The following DENND4A variants were observed in gnomAD, a reference collection of about 807,000 sequenced individuals.
DENND4A encodes DENN domain containing 4A, also known as C-myc promoter-binding protein.
In DENND4A, 70 loss-of-function variants were observed where a neutral mutation model predicts 199.3. The observed-to-expected ratio is 0.35, with a 90% CI of 0.29 to 0.43. DENND4A has a LOEUF of 0.43. Ranked by LOEUF, DENND4A falls within the 20% of genes least tolerant of loss-of-function variation. The pLI is 1.00. For missense variants in DENND4A, 1,723 were observed against 2,255.8 expected (o/e 0.76, Z 4.78); for synonymous variants, 686 against 766.9 (o/e 0.89, Z 1.74).
Position 65,701,109 on chromosome 15 carries a change from T to C in DENND4A, c.2643A>G (p.Val881=). The change falls in exon 19 of 33, where the codon GTA becomes GTG. Residue 881 remains valine, a synonymous_variant. Transcript: ENST00000443035. ...WTKVRNVVLG[V]TQFKRALKKH... ...TCTTTAAAGCTCTTTTGAACTGTGT[T>C]ACTCCTAAAACAACATTTCTTACTT... is the stretch of plus-strand genomic sequence containing the variant. 1 of 1,611,098 alleles carries C rather than the reference T, an allele frequency of 6.2e-7. No homozygotes were observed. Among genetic ancestry groups the C allele is most frequent in the Non-Finnish European group, 8.5e-7 (1 of 1,178,800 alleles).
In DENND4A at chr15:65,702,439, G is replaced by A. The variant is rs61754790; in HGVS notation, c.2296C>T (p.Arg766Cys). The A allele has an allele frequency of 1.9e-5, 30 of 1,594,614 alleles. No homozygotes were observed. The highest frequency in any genetic ancestry group is 9.0e-5 in the East Asian group (4 of 44,210). Residue 766 changes from arginine (R) to cysteine (C), a missense_variant, in exon 17 of 33, where the codon CGC becomes TGC. Transcript: ENST00000443035. The part of the protein sequence containing the change: ...IPQMWSRCLL[R>C]HCYGLWFICL... ...ATAAACCACAGTCCATAACAGTGGC[G>A]CAGTAGACACCTAGACCACATCTGA... is the stretch of plus-strand genomic sequence containing the variant.
rs975232881 is a variant in DENND4A at position 65,741,855 on chromosome 15, G to A, written c.562-71C>T. 9.6e-6 allele frequency: 12 copies of A among 1,247,608 alleles called. No individual in the cohort carries two copies. The African/African-American group carries it at 1.5e-4, about 15-fold the overall frequency. 77.3% of individuals were successfully genotyped at this position (1,247,608 alleles called of 1,614,324 possible). On this transcript the variant is annotated intron_variant, in intron 4 of 32. Transcript: ENST00000443035. ...GAACTTGATAAAATGGAATCTCTTTGAGCTCTCTAGTATGTATTATCTAAT... is the reference window on the plus strand; with the variant it reads ...GAACTTGATAAAATGGAATCTCTTTAAGCTCTCTAGTATGTATTATCTAAT...
intron 5 of DENND4A, among the ~76,000 whole-genome samples, chr15:65,741,169 C>G (rs1851917989): frequency 1.3e-5 from 2 of 152,114 alleles, no homozygotes; most frequent in Admixed American, 1.3e-4. Flanking sequence ...CCTCCTGCCT[C>G]AGCCTCCGAA....
Position 65,701,074 on chromosome 15 carries a change from T to A in DENND4A, c.2678A>T (p.His893Leu), listed in dbSNP as rs775775835. 7.5e-6 allele frequency: 12 copies of A among 1,607,958 alleles called. No individual in the cohort carries two copies. The highest frequency in any genetic ancestry group is 9.3e-6 in the Non-Finnish European group (11 of 1,178,332). ...ACCTGAGAGAGTTGTTTGTGATAAGTGTGCATGCTTCTTTAAAGCTCTTTT... is the reference window on the plus strand; with the variant it reads ...ACCTGAGAGAGTTGTTTGTGATAAGAGTGCATGCTTCTTTAAAGCTCTTTT... ...QFKRALKKHAHLSQTTLSADG... is the reference protein window; with the variant it reads ...QFKRALKKHALLSQTTLSADG... Residue 893 changes from histidine to leucine, a missense_variant, in exon 19 of 33, where the codon CAC becomes CTC. Physicochemically the swap from His to Leu is moderately conservative, Grantham distance 99. Coordinates refer to ENST00000443035, the MANE Select transcript of DENND4A (RefSeq NM_001320835.1).
At chr15:65,754,876 C>A (rs1393002634) in intron 3 of DENND4A, among the ~76,000 whole-genome samples, 1 of 152,148 alleles carries the variant, frequency 6.6e-6, no homozygotes, top group East Asian at 1.9e-4. Flanking sequence ...CATGGAATTA[C>A]CATTACGATC....
At chr15:65,693,688 TGAAG>T (rs1298579835) in intron 22 of DENND4A, among the ~76,000 whole-genome samples, 1 of 151,842 alleles carries the variant, frequency 6.6e-6, no homozygotes, top group East Asian at 1.9e-4. Flanking sequence ...AATGATATGC[TGAAG>T]GAAGTCTTCC....
At position 65,756,467 on chromosome 15, in the gene DENND4A, T is replaced by A; in HGVS notation, c.-17A>T. The A allele has an allele frequency of 1.9e-6, 3 of 1,579,544 alleles. No homozygotes were observed. The highest frequency in any genetic ancestry group is 2.6e-6 in the Non-Finnish European group (3 of 1,166,476). On this transcript the variant is annotated 5_prime_UTR_variant, in exon 3 of 33. The change abolishes the stop of an existing upstream ORF in the 5' untranslated region. Transcript: ENST00000443035. ...TTCAATCATCTTCCATTACAGAAGG[T>A]TACATCTAAAAGGAAAGTAAAAGAC...
At chr15:65,673,012 C>T (rs1290891085) in intron 24 of DENND4A, among the ~76,000 whole-genome samples, 2 of 152,078 alleles carry the variant, frequency 1.3e-5, no homozygotes, top group African/African-American at 4.8e-5. Context: ...ATGCGCATGC[C>T]ACCACACCCA....
In DENND4A at chr15:65,741,732, G is replaced by C; in HGVS notation, c.614C>G (p.Thr205Ser). The C allele has an allele frequency of 1.2e-6, 2 of 1,612,788 alleles. No individual in the cohort carries two copies. Among genetic ancestry groups the C allele is most frequent in the East Asian group, 4.5e-5 (2 of 44,774 alleles). Residue 205 changes from threonine to serine, a missense_variant, in exon 5 of 33, where the codon ACT (threonine) becomes AGT (serine). This residue lies in a region of DENND4A where 725 missense variants were observed against 952.9 expected (regional missense o/e 0.76). Coordinates refer to ENST00000443035, the MANE Select transcript of DENND4A (RefSeq NM_001320835.1). ...CYKKSVAKTN[T>S]VSYKAGLICR... ...ACACTTACCAGCTTTGTAAGATACA[G>C]TGTTCGTCTTTGCCACCGATTTTTT...
At chr15:65,741,859 T>G (rs1217886480) in intron 4 of DENND4A, 75 bp from the exon 5 acceptor site, 3 of 1,208,650 alleles carry the variant, frequency 2.5e-6, no homozygotes, top group African/African-American at 1.5e-5. Context: ...CTCTTTGAGC[T>G]CTCTAGTATG....
At chr15:65,715,414 AC>A (rs746101417) in intron 14 of DENND4A, 63 bp downstream of exon 14, 1 of 1,429,184 alleles carries the variant, frequency 7.0e-7, no homozygotes, top group Admixed American at 2.6e-5. Context: ...AGAAACTATA[AC>A]TCATAACATT....
At chr15:65,724,401 CA>C in intron 11 of DENND4A, among the ~76,000 whole-genome samples, 1 of 143,412 alleles carries the variant, frequency 7.0e-6, no homozygotes, top group East Asian at 2.0e-4. Flanking sequence ...TTTTTTATTT[CA>C]AAAGCAATGA....
In DENND4A at chr15:65,700,600, G is replaced by A. The variant is rs2074832939; in HGVS notation, c.2777C>T (p.Ala926Val). ...TTTGATTAAACCCGTATTAAAAGGTGCCTGCTCCACAGTGTGTGTCCCATG... is the reference window on the plus strand; with the variant it reads ...TTTGATTAAACCCGTATTAAAAGGTACCTGCTCCACAGTGTGTGTCCCATG... The part of the protein sequence containing the change: ...SGHGTHTVEQ[A>V]PFNTGLIKVY... The change falls in exon 20 of 33, where the codon GCA (alanine) becomes GTA (valine). Residue 926 changes from alanine to valine, a missense_variant. Ala to Val is a moderately conservative substitution (Grantham distance 64). Around this residue, in one of 6 missense-constraint regions of DENND4A, gnomAD observed 650 missense variants for 738.1 expected, o/e 0.88. Coordinates refer to ENST00000443035, the MANE Select transcript of DENND4A (RefSeq NM_001320835.1). 1 of 1,546,236 alleles carries A rather than the reference G, an allele frequency of 6.5e-7. No individual in the cohort carries two copies. Among genetic ancestry groups the A allele is most frequent in the Non-Finnish European group, 8.7e-7 (1 of 1,144,588 alleles).
intron 1 of DENND4A, among the ~76,000 whole-genome samples, chr15:65,789,738 C>A (rs1392894184): frequency 2.0e-5 from 3 of 152,196 alleles, no homozygotes; most frequent in African/African-American, 7.2e-5. Context: ...ACAACTCTAT[C>A]TGCATCAGTG....
chr15:65,666,729 T>C (rs1259392257), intron 29 of DENND4A, among the ~76,000 whole-genome samples: 2 of 145,694 alleles, frequency 1.4e-5, no homozygotes, highest in Non-Finnish European at 3.0e-5. Flanking sequence ...CAGTGAGCCA[T>C]GACCACACCA....
Position 65,710,762 on chromosome 15 carries a change from G to A in DENND4A, c.1954-4538C>T, listed in dbSNP as rs889167668. ...CAATGTTGGAGGTGGGGCCTGGTGG[G>A]AGGTGTTTGGGTCATGGGACAAATC... On this transcript the variant is annotated intron_variant, in intron 14 of 32. Transcript: ENST00000443035. Among the ~76,000 whole-genome samples the A allele has an allele frequency of 2.6e-5, 4 of 152,338 alleles. No homozygotes were observed. In the East Asian group the frequency reaches 7.7e-4, roughly 29 times the overall value.
Position 65,732,823 on chromosome 15 carries a change from A to G in DENND4A, c.1041-5T>C. 6.4e-7 allele frequency: 1 copy of G among 1,555,350 alleles called. No homozygotes were observed. Among genetic ancestry groups the G allele is most frequent in the Non-Finnish European group, 8.9e-7 (1 of 1,129,878 alleles). On this transcript the variant is annotated splice_polypyrimidine_tract_variant and splice_region_variant and intron_variant, in intron 7 of 32. Coordinates refer to ENST00000443035, the MANE Select transcript of DENND4A (RefSeq NM_001320835.1). ...TGCATAAAATGAGAAATATGCCTTG[A>G]AAACAAACAAAAGTGTAAGTGATTC... is the stretch of plus-strand genomic sequence containing the variant.
At chr15:65,773,877 G>T (rs1165548949) in intron 1 of DENND4A, among the ~76,000 whole-genome samples, 1 of 151,990 alleles carries the variant, frequency 6.6e-6, no homozygotes. Context: ...GTTTGTTTTT[G>T]GTTGGTTGAT....
chr15:65,718,131 A>T (rs2075467090), intron 12 of DENND4A, 135 bp from the exon 13 acceptor site: 2 of 654,306 alleles, frequency 3.1e-6, no homozygotes, highest in Non-Finnish European at 5.0e-6. Context: ...ATCATACGTA[A>T]ACCTTAGCAA....
Sources: gnomAD v4.1 joint callset for allele counts (sites outside exome capture counted in the v4.1 genomes callset) on GRCh38, gnomAD v4.1.1 for gene constraint, gnomAD v4.1.1 regional missense constraint, MANE v1.5 for transcripts, NCBI Gene and HGNC (gene_info 2026-07-23, HGNC 2026-07-21) for gene names.